Variants in ALMS1 observed in about 807,000 individuals in gnomAD.
The protein encoded by ALMS1 is centrosome-associated protein ALMS1.
A neutral mutation model predicts 352.2 loss-of-function variants in ALMS1; 271 were observed. That is an observed-to-expected ratio of 0.77 (90% CI 0.70 to 0.85). The LOEUF (loss-of-function observed/expected upper bound fraction) is 0.85. Among genes scored for constraint, ALMS1 ranks in the 40% least tolerant of loss-of-function variants. The probability of loss-of-function intolerance (pLI) is 0.00; values close to 1 mark genes in which losing one functional copy is unlikely to be tolerated. For missense variants in ALMS1, 5,445 were observed against 4,870.7 expected, an observed-to-expected ratio of 1.12 and a Z score of -3.51; for synonymous variants, 1,865 against 1,761.2, an observed-to-expected ratio of 1.06 and a Z score of -1.48.
intron 12 of ALMS1, among the ~76,000 whole-genome samples, chr2:73,542,059 C>A (rs1427790493): frequency 6.6e-6 from 1 of 152,106 alleles, no homozygotes; most frequent in Non-Finnish European, 1.5e-5. Flanking sequence ...GGCAGAGACA[C>A]AACCAAAAAA....
chr2:73,556,864 G>A (rs1038893506), intron 13 of ALMS1, among the ~76,000 whole-genome samples: 3 of 151,856 alleles, frequency 2.0e-5, no homozygotes, highest in African/African-American at 7.3e-5. Context: ...CACGACGCCT[G>A]CTAGTTTTTG....
At chr2:73,606,492 A>G (rs977772292) in intron 21 of ALMS1, among the ~76,000 whole-genome samples, 1 of 152,240 alleles carries the variant, frequency 6.6e-6, no homozygotes, top group Admixed American at 6.5e-5. Flanking sequence ...GACAGCCAGG[A>G]CATCTCCTAA....
intron 1 of ALMS1, among the ~76,000 whole-genome samples, chr2:73,391,596 T>C (rs1670647923): frequency 6.6e-6 from 1 of 152,296 alleles, no homozygotes; most frequent in African/African-American, 2.4e-5. Flanking sequence ...CCTGGCCTTG[T>C]ATACGTTTTA....
At position 73,559,951 on chromosome 2, in the gene ALMS1, C is replaced by G. The variant is rs572036674; in HGVS notation, c.10384+809C>G. Among the ~76,000 whole-genome samples the G allele has an allele frequency of 2.0e-5, 3 of 152,258 alleles. No homozygotes were observed. The East Asian group carries it at 5.8e-4, about 29-fold the overall frequency. On this transcript the variant is annotated intron_variant, in intron 15 of 22. Coordinates refer to ENST00000613296, the MANE Select transcript of ALMS1 (RefSeq NM_001378454.1). Reference sequence around the variant, plus strand: ...CTCCCAGAAGAAAACATAAGGGGAACACTTCAGGACATTGAACTTGGCAGT... The same window carrying G: ...CTCCCAGAAGAAAACATAAGGGGAAGACTTCAGGACATTGAACTTGGCAGT...
chr2:73,410,922 T>C (rs1671065299), intron 2 of ALMS1, among the ~76,000 whole-genome samples: 1 of 152,038 alleles, frequency 6.6e-6, no homozygotes, highest in Admixed American at 6.6e-5. Context: ...AGATGCAAGA[T>C]ATGGAGGAAG....
chr2:73,404,085 A>G (rs953122573), intron 1 of ALMS1, among the ~76,000 whole-genome samples: 1 of 152,100 alleles, frequency 6.6e-6, no homozygotes, highest in Non-Finnish European at 1.5e-5. Flanking sequence ...TTTAGCAGAG[A>G]TGGGGTTTCA....
At chr2:73,581,290 AAG>A (rs1675171602) in intron 16 of ALMS1, among the ~76,000 whole-genome samples, 1 of 152,148 alleles carries the variant, frequency 6.6e-6, no homozygotes, top group Non-Finnish European at 1.5e-5. Flanking sequence ...TTTTCACTCT[AAG>A]AGAGTTATGT....
At chr2:73,419,606 G>A (rs1029560776) in intron 3 of ALMS1, among the ~76,000 whole-genome samples, 1 of 152,138 alleles carries the variant, frequency 6.6e-6, no homozygotes, top group African/African-American at 2.4e-5. Flanking sequence ...AATTTGCAGA[G>A]TTTTTGGGAT....
intron 7 of ALMS1, 33 bp from the exon 8 acceptor site, chr2:73,447,927 T>G: frequency 6.4e-7 from 1 of 1,556,472 alleles, no homozygotes; most frequent in Non-Finnish European, 8.7e-7. Flanking sequence ...ATAGAAAATT[T>G]TATATACTAT....
chr2:73,551,827 C>T (rs1228999278), intron 13 of ALMS1, among the ~76,000 whole-genome samples: 1 of 152,108 alleles, frequency 6.6e-6, no homozygotes, highest in Non-Finnish European at 1.5e-5. Context: ...ATGAAAACTC[C>T]AGTAGCCACT....
At chr2:73,468,209 C>G (rs1184418610) in intron 9 of ALMS1, among the ~76,000 whole-genome samples, 2 of 151,880 alleles carry the variant, frequency 1.3e-5, no homozygotes, top group African/African-American at 4.8e-5. Context: ...ATAAATCTAA[C>G]AAGATTTATG....
At chr2:73,481,549 TGGCGATGCA>T (rs1307789983) in intron 9 of ALMS1, among the ~76,000 whole-genome samples, 1 of 152,034 alleles carries the variant, frequency 6.6e-6, no homozygotes, top group Non-Finnish European at 1.5e-5. Flanking sequence ...AGGATTGACT[TGGCGATGCA>T]GGCTCTTTTT....
intron 1 of ALMS1, among the ~76,000 whole-genome samples, chr2:73,404,899 CTTTTTTT>C (rs58122480): frequency 0.011 from 679 of 60,720 alleles, 8 homozygotes; most frequent in African/African-American, 0.07. Flanking sequence ...TGTCCTGGAC[CTTTTTTT>C]TTTTTTTTTT....
At chr2:73,529,950 G>A (rs940735540) in intron 11 of ALMS1, among the ~76,000 whole-genome samples, 5 of 152,070 alleles carry the variant, frequency 3.3e-5, no homozygotes, top group African/African-American at 1.2e-4. Context: ...ACAACAGCAT[G>A]AGAGAAACTG....
intron 6 of ALMS1, among the ~76,000 whole-genome samples, chr2:73,430,851 C>A (rs759243175): frequency 4.6e-5 from 7 of 151,864 alleles, no homozygotes; most frequent in Non-Finnish European, 7.4e-5. Flanking sequence ...CAGAACATAC[C>A]CACATCATTA....
chr2:73,453,154 G>T lies in ALMS1; in HGVS notation c.6627G>T (p.Leu2209Phe). 6.2e-7 allele frequency: 1 copy of T among 1,614,004 alleles called. No individual in the cohort carries two copies. Among genetic ancestry groups the T allele is most frequent in the South Asian group, 1.1e-5 (1 of 91,056 alleles). ...ATGTCCAAAGGCTAATAGATAATTT[G>T]AATTCTTCTGACTCCAGTGTTAGCT... is the stretch of plus-strand genomic sequence containing the variant. The part of the protein sequence containing the change: ...SEHVQRLIDN[L>F]NSSDSSVSSN... The change falls in exon 8 of 23, where the codon TTG becomes TTT. Residue 2209 changes from leucine to phenylalanine, a missense_variant. Coordinates refer to ENST00000613296, the MANE Select transcript of ALMS1 (RefSeq NM_001378454.1).
At chr2:73,405,467 CTTTT>C (rs1186313496) in intron 1 of ALMS1, among the ~76,000 whole-genome samples, 1 of 150,436 alleles carries the variant, frequency 6.6e-6, no homozygotes, top group Non-Finnish European at 1.5e-5. Context: ...TATTTGAGGC[CTTTT>C]TTTTTCTCAG....
In ALMS1 at chr2:73,419,182, A is replaced by C. The variant is rs2103701377; in HGVS notation, c.510A>C (p.Thr170=). 1 of 1,614,086 alleles carries C rather than the reference A, an allele frequency of 6.2e-7. No individual in the cohort carries two copies. Among genetic ancestry groups the C allele is most frequent in the Non-Finnish European group, 8.5e-7 (1 of 1,179,944 alleles). ...QEMDSSQTLD[T]SQTRFNVRTE... is the part of the protein sequence containing the mutation. ...TGGACTCTTCCCAAACCTTGGATAC[A>C]TCCCAGACTAGGTTTAATGTGAGAA... The change falls in exon 3 of 23, where the codon ACA becomes ACC. Residue 170 remains threonine (T), a synonymous_variant. Transcript: ENST00000613296.
intron 2 of ALMS1, among the ~76,000 whole-genome samples, chr2:73,418,889 A>G (rs1201902142): frequency 1.3e-5 from 2 of 152,214 alleles, no homozygotes; most frequent in Non-Finnish European, 2.9e-5. Flanking sequence ...GCGGCGTACA[A>G]TACAACTTAG....
Sources: allele counts gnomAD v4.1 joint callset (sites outside exome capture counted in the v4.1 genomes callset), GRCh38; gene constraint gnomAD v4.1.1; transcripts MANE v1.5; gene names NCBI Gene and HGNC (gene_info 2026-07-23, HGNC 2026-07-21).